The following CENATAC variants were observed in gnomAD, a reference collection of about 807,000 sequenced individuals.
The protein encoded by CENATAC is centrosomal AT-AC splicing factor.
Under a neutral mutation model 53.7 loss-of-function variants are expected in CENATAC, and 53 were observed. That is an observed-to-expected ratio of 0.99 (90% CI 0.79 to 1.24). CENATAC has a LOEUF of 1.24. Among genes scored for constraint, CENATAC ranks in the 50% most tolerant of loss-of-function variants. The pLI is 0.00. For missense variants in CENATAC, 474 were observed against 417.8 expected, an observed-to-expected ratio of 1.13 and a Z score of -1.17; for synonymous variants, 156 against 144.6, an observed-to-expected ratio of 1.08 and a Z score of -0.57.
At chr11:119,014,273 G>A (rs138205286) in intron 8 of CENATAC, 3 of 152,384 alleles carry the variant, frequency 2.0e-5, no homozygotes, top group South Asian at 2.1e-4. Context: ...TGATACGTAC[G>A]ACACAGATGA....
rs1354897936 is a variant in CENATAC at position 119,013,336 on chromosome 11, G to A, written c.715+74G>A. 17 of 1,213,294 alleles carry A rather than the reference G, an allele frequency of 1.4e-5. No homozygotes were observed. The East Asian group carries it at 2.2e-4, about 16-fold the overall frequency. The allele number at this position is 1,213,294 out of a possible 1,614,324, so 75.2% of individuals were successfully genotyped here. A position where few individuals can be genotyped will look rare whatever the true frequency, so the allele number is the denominator to read the frequency against. On this transcript the variant is annotated intron_variant, in intron 8 of 10. Coordinates refer to ENST00000334418, the MANE Select transcript of CENATAC (RefSeq NM_198489.3). ...TTTTGAGATGGAGTCTTGTTCTGTC[G>A]CCAGGCTGGAGTGCAGTGGCGCAAT...
intron 3 of CENATAC, among the ~76,000 whole-genome samples, chr11:119,002,656 G>A (rs1942366273): frequency 6.9e-6 from 1 of 145,516 alleles, no homozygotes; most frequent in Non-Finnish European, 1.5e-5. Context: ...AGATTTCTAT[G>A]TATACTTTTA....
chr11:119,015,289 T>C lies in CENATAC; in HGVS notation c.806-18T>C, dbSNP rs377318218. 6.3e-7 allele frequency: 1 copy of C among 1,588,220 alleles called. No individual in the cohort carries two copies. The highest frequency in any genetic ancestry group is 1.1e-5 in the South Asian group (1 of 87,066). On this transcript the variant is annotated intron_variant, in intron 9 of 10. Coordinates refer to ENST00000334418, the MANE Select transcript of CENATAC (RefSeq NM_198489.3). ...TTCTTCAATAAAGAAAAATAAAAGT[T>C]TCCCTATCATTGTACAGAGGAAAAA...
At chr11:119,000,115 T>C (rs1942218209) in intron 3 of CENATAC, among the ~76,000 whole-genome samples, 1 of 152,224 alleles carries the variant, frequency 6.6e-6, no homozygotes. Context: ...ATTCATCTGC[T>C]GCCTCTTGGT....
intron 3 of CENATAC, among the ~76,000 whole-genome samples, chr11:119,000,848 G>A (rs921064807): frequency 3.9e-5 from 6 of 152,024 alleles, no homozygotes; most frequent in South Asian, 2.1e-4. Flanking sequence ...CAAGCAATCC[G>A]CCTGCCTCAG....
At chr11:119,005,077 A>AC (rs971709690) in intron 3 of CENATAC, among the ~76,000 whole-genome samples, 2 of 151,530 alleles carry the variant, frequency 1.3e-5, no homozygotes, top group Admixed American at 6.6e-5. Context: ...CAGCAAGAAA[A>AC]AAAAAGCCAA....
intron 3 of CENATAC, among the ~76,000 whole-genome samples, chr11:119,005,432 C>T (rs1942538819): frequency 6.6e-6 from 1 of 151,252 alleles, no homozygotes; most frequent in Non-Finnish European, 1.5e-5. Flanking sequence ...TGCCACTGCA[C>T]TCCAGCCTGG....
chr11:119,012,321 A>G (rs2134567632), intron 7 of CENATAC, 67 bp downstream of exon 7: 2 of 1,554,316 alleles, frequency 1.3e-6, no homozygotes, highest in Admixed American at 1.8e-5. Context: ...CTTTCTCCTG[A>G]TTTTCTACCT....
rs1337588830 is a variant in CENATAC at position 119,006,845 on chromosome 11, A to C, written c.384-3919A>C. Among the ~76,000 whole-genome samples, 4 of 152,308 alleles carry C rather than the reference A, an allele frequency of 2.6e-5. No individual in the cohort carries two copies. The South Asian group carries it at 6.2e-4, about 24-fold the overall frequency. On this transcript the variant is annotated intron_variant, in intron 3 of 10. Coordinates refer to ENST00000334418, the MANE Select transcript of CENATAC (RefSeq NM_198489.3). ...TTTCCCCCATGCTGTTCTCATGGTAATAAGTCTCACATGATCTGATGATTT... is the reference window on the plus strand; with the variant it reads ...TTTCCCCCATGCTGTTCTCATGGTACTAAGTCTCACATGATCTGATGATTT...
intron 3 of CENATAC, among the ~76,000 whole-genome samples, chr11:119,000,583 C>T (rs1942242069): frequency 6.6e-6 from 1 of 151,840 alleles, no homozygotes; most frequent in South Asian, 2.1e-4. Flanking sequence ...CGGCAAAACC[C>T]TGTCTCTACT....
rs781859016 is a variant in CENATAC at position 119,015,049 on chromosome 11, A to G, written c.771A>G (p.Glu257=). The change falls in exon 9 of 11, where the codon GAA becomes GAG. Residue 257 remains glutamate, a synonymous_variant. Coordinates refer to ENST00000334418, the MANE Select transcript of CENATAC (RefSeq NM_198489.3). ...AAGAATACATTGCTGGGAACCAAGA[A>G]ATAGGACCATCCTATGAAGAATTTC... ...QDEEYIAGNQ[E]IGPSYEEFLK... The G allele has an allele frequency of 5.0e-6, 8 of 1,613,160 alleles. No individual in the cohort carries two copies. The highest frequency in any genetic ancestry group is 8.5e-7 in the Non-Finnish European group (1 of 1,179,520).
chr11:119,005,092 T>G (rs1031789282), intron 3 of CENATAC, among the ~76,000 whole-genome samples: 74 of 150,916 alleles, frequency 4.9e-4, no homozygotes, highest in African/African-American at 1.7e-3. Flanking sequence ...AGCCAATACC[T>G]GGAAACTTTG....
At position 119,015,078 on chromosome 11, in the gene CENATAC, A is replaced by AAG. The variant is rs782651488; in HGVS notation, c.802_803dup (p.Glu270ArgfsTer6). 1.4e-5 allele frequency: 22 copies of AAG among 1,604,106 alleles called. No individual in the cohort carries two copies. The highest frequency in any genetic ancestry group is 1.9e-5 in the Non-Finnish European group (22 of 1,173,350). On this transcript the variant is annotated frameshift_variant, in exon 9 of 11. Transcript: ENST00000334418. LOFTEE classifies it high-confidence loss of function. Reference sequence around the variant, plus strand: ...GGACCATCCTATGAAGAATTTCTTAAAGAAAGTAAGTAAACTAATTCAAGA... The same window carrying AAG: ...GGACCATCCTATGAAGAATTTCTTAAAGAGAAAGTAAGTAAACTAATTCAAGA...
intron 3 of CENATAC, chr11:119,001,534 A>G: frequency 2.3e-6 from 1 of 435,792 alleles, no homozygotes. Flanking sequence ...ATTTTATGGT[A>G]GTAAATCATA....
chr11:119,012,429 T>C, intron 7 of CENATAC, 175 bp downstream of exon 7: 1 of 632,004 alleles, frequency 1.6e-6, no homozygotes, highest in East Asian at 3.0e-5. Context: ...AAAGCGATCC[T>C]ATTCACATGT....
At chr11:118,998,369 G>A (rs1942116303) in intron 1 of CENATAC, 52 bp downstream of exon 1, 2 of 1,611,724 alleles carry the variant, frequency 1.2e-6, no homozygotes, top group South Asian at 2.2e-5. Context: ...GGTCAGTGAA[G>A]GCCAGAGCGG....
rs373233086 is a variant in CENATAC at position 119,011,912 on chromosome 11, C to A, written c.514-27C>A. On this transcript the variant is annotated intron_variant, in intron 5 of 10. Coordinates refer to ENST00000334418, the MANE Select transcript of CENATAC (RefSeq NM_198489.3). ...GGCAGGCTCTTAAGCATCCCAGACA[C>A]ATTTATTTTTCCTGAATCAAACTCA... 17 of 1,609,954 alleles carry A rather than the reference C, an allele frequency of 1.1e-5. No individual in the cohort carries two copies. In the African/African-American group the frequency reaches 1.2e-4, roughly 11 times the overall value.
At chr11:119,014,928 TAG>T (rs1463465527) in intron 8 of CENATAC, 64 bp from the exon 9 acceptor site, 2 of 1,085,922 alleles carry the variant, frequency 1.8e-6, no homozygotes, top group East Asian at 4.8e-5. Context: ...AGCTAACAGC[TAG>T]GACATGTTTC....
chr11:119,014,799 A>T (rs1943069471), intron 8 of CENATAC, 195 bp from the exon 9 acceptor site: 1 of 432,796 alleles, frequency 2.3e-6, no homozygotes, highest in African/African-American at 2.0e-5. Context: ...CCTCAAAGCC[A>T]TTTTAAAATG....
Sources: gnomAD v4.1 joint callset for allele counts (sites outside exome capture counted in the v4.1 genomes callset) on GRCh38, gnomAD v4.1.1 for gene constraint, MANE v1.5 for transcripts, NCBI Gene and HGNC (gene_info 2026-07-23, HGNC 2026-07-21) for gene names.